Variants in COP1 observed in about 807,000 individuals in gnomAD.
COP1 encodes the protein COP1 E3 ubiquitin ligase, also known as E3 ubiquitin-protein ligase COP1.
In COP1, 24 loss-of-function variants were observed where a neutral mutation model predicts 101.3. The observed-to-expected ratio is 0.24, with a 90% CI of 0.17 to 0.33. COP1 has a LOEUF of 0.33. Among genes scored for constraint, COP1 ranks in the 10% least tolerant of loss-of-function variants. The pLI is 1.00. For missense variants in COP1, 663 were observed against 906.2 expected (o/e 0.73, Z 3.45); for synonymous variants, 347 against 341.9 (o/e 1.01, Z -0.17).
At chr1:176,060,395 A>G (rs1674628993) in intron 11 of COP1, among the ~76,000 whole-genome samples, 1 of 152,218 alleles carries the variant, frequency 6.6e-6, no homozygotes, top group East Asian at 1.9e-4. Context: ...AGAGAAAATA[A>G]CAAGAGCTGA....
At chr1:175,980,078 C>A (rs1294883246) in intron 18 of COP1, among the ~76,000 whole-genome samples, 3 of 151,960 alleles carry the variant, frequency 2.0e-5, no homozygotes, top group African/African-American at 4.8e-5. Context: ...TTATAACAAC[C>A]CTAGAAGATA....
At chr1:175,949,247 C>T (rs1322127881) in intron 18 of COP1, among the ~76,000 whole-genome samples, 1 of 109,804 alleles carries the variant, frequency 9.1e-6, no homozygotes, top group African/African-American at 3.5e-5. Context: ...ATATTATGGG[C>T]TATTTCTGGG....
intron 11 of COP1, among the ~76,000 whole-genome samples, chr1:176,057,326 TCTCCCTCTCCCC>T (rs1327493503): frequency 2.0e-5 from 3 of 152,042 alleles, no homozygotes; most frequent in Non-Finnish European, 2.9e-5. Flanking sequence ...TCCCTCTCCC[TCTCCCTCTCCCC>T]ACGGATTCCC....
At chr1:176,124,258 AC>A (rs1687638257) in intron 8 of COP1, among the ~76,000 whole-genome samples, 1 of 152,198 alleles carries the variant, frequency 6.6e-6, no homozygotes, top group Non-Finnish European at 1.5e-5. Context: ...CCTTTGTGTT[AC>A]AAACAACCCA....
In COP1 at chr1:176,195,983, G is replaced by A. The variant is rs1572799393; in HGVS notation, c.407+10589C>T. Among the ~76,000 whole-genome samples, 3 of 152,248 alleles carry A rather than the reference G, an allele frequency of 2.0e-5. No homozygotes were observed. In the South Asian group the frequency reaches 6.2e-4, roughly 32 times the overall value. ...CACTAGCATCACGCAATATACCCACGTAACAAACCTGTGCATGTACAGGTA... is the reference window on the plus strand; with the variant it reads ...CACTAGCATCACGCAATATACCCACATAACAAACCTGTGCATGTACAGGTA... On this transcript the variant is annotated intron_variant, in intron 1 of 19. Transcript: ENST00000367669.
intron 19 of COP1, 68 bp downstream of exon 19, chr1:175,947,127 T>C (rs1436739226): frequency 6.6e-6 from 7 of 1,063,350 alleles, no homozygotes; most frequent in Non-Finnish European, 1.0e-5. Flanking sequence ...CAATGGTGTA[T>C]TTCTATAATC....
In COP1 at chr1:176,027,138, T is replaced by C. The variant is rs1022436788; in HGVS notation, c.1729+434A>G. The stretch of plus-strand genomic sequence containing the variant: ...CTCCATGATACAAGACTATGTCTTA[T>C]TCACTGTCCCTAGATGAGTGCTTTG... On this transcript the variant is annotated intron_variant, in intron 15 of 19. Transcript: ENST00000367669. 4.6e-5 allele frequency among the ~76,000 whole-genome samples: 7 copies of C among 152,200 alleles called. No homozygotes were observed. In the South Asian group the frequency reaches 8.3e-4, roughly 18 times the overall value.
chr1:176,062,315 A>G (rs1310964621), intron 11 of COP1, among the ~76,000 whole-genome samples: 1 of 152,202 alleles, frequency 6.6e-6, no homozygotes, highest in Non-Finnish European at 1.5e-5. Context: ...AAAGACCTGA[A>G]TTTTTAAATA....
At chr1:176,064,618 T>C (rs1052132397) in intron 11 of COP1, among the ~76,000 whole-genome samples, 1 of 152,190 alleles carries the variant, frequency 6.6e-6, no homozygotes, top group Admixed American at 6.5e-5. Context: ...CTTTACTTTT[T>C]GAGCTCCATC....
At chr1:176,137,246 T>C (rs1441055981) in intron 6 of COP1, among the ~76,000 whole-genome samples, 1 of 152,194 alleles carries the variant, frequency 6.6e-6, no homozygotes, top group East Asian at 1.9e-4. Flanking sequence ...ATTGTAACTG[T>C]TGAATAACAC....
chr1:176,195,109 G>A (rs924192529), intron 1 of COP1, among the ~76,000 whole-genome samples: 3 of 143,036 alleles, frequency 2.1e-5, no homozygotes, highest in Admixed American at 1.4e-4. Context: ...AGAAAAAGGA[G>A]AGGAGAGAAA....
intron 15 of COP1, among the ~76,000 whole-genome samples, chr1:175,992,283 G>A (rs1223632465): frequency 6.6e-6 from 1 of 152,210 alleles, no homozygotes; most frequent in East Asian, 1.9e-4. Flanking sequence ...TGGCCAAATA[G>A]GAACAGCTCC....
chr1:176,075,036 A>G (rs1677724368), intron 11 of COP1, among the ~76,000 whole-genome samples: 1 of 152,168 alleles, frequency 6.6e-6, no homozygotes, highest in Non-Finnish European at 1.5e-5. Context: ...TTTCTTATCT[A>G]TAAGGGCCCT....
intron 15 of COP1, among the ~76,000 whole-genome samples, chr1:176,021,130 G>A (rs1473073024): frequency 6.6e-6 from 1 of 152,160 alleles, no homozygotes; most frequent in African/African-American, 2.4e-5. Flanking sequence ...TACCAGGTGT[G>A]AGCCACCAGG....
intron 18 of COP1, among the ~76,000 whole-genome samples, chr1:175,963,659 C>A (rs1471242134): frequency 6.6e-6 from 1 of 152,056 alleles, no homozygotes; most frequent in Non-Finnish European, 1.5e-5. Flanking sequence ...GTCTTTTGTC[C>A]AGGTACCTTC....
intron 11 of COP1, among the ~76,000 whole-genome samples, chr1:176,051,219 T>C (rs146673371): frequency 4.7e-4 from 72 of 152,256 alleles, no homozygotes; most frequent in African/African-American, 1.6e-3. Flanking sequence ...CCGTGAATAT[T>C]TTCAGCCATC....
At chr1:176,181,456 C>T (rs2101998321) in intron 2 of COP1, among the ~76,000 whole-genome samples, 1 of 151,694 alleles carries the variant, frequency 6.6e-6, no homozygotes, top group East Asian at 1.9e-4. Flanking sequence ...TATAGCAAGC[C>T]TGATGTTGGA....
At chr1:175,981,461 C>T (rs1655849612) in intron 18 of COP1, among the ~76,000 whole-genome samples, 1 of 152,108 alleles carries the variant, frequency 6.6e-6, no homozygotes, top group Admixed American at 6.5e-5. Flanking sequence ...GTTGGGAAAA[C>T]TGGATATCCA....
intron 5 of COP1, among the ~76,000 whole-genome samples, chr1:176,150,604 C>T (rs567765169): frequency 9.9e-5 from 15 of 152,180 alleles, no homozygotes; most frequent in Admixed American, 4.6e-4. Flanking sequence ...ACAAAGACCA[C>T]ATGTTTATTT....
Sources: gnomAD v4.1 joint callset for allele counts (sites outside exome capture counted in the v4.1 genomes callset) on GRCh38, gnomAD v4.1.1 for gene constraint, MANE v1.5 for transcripts, NCBI Gene and HGNC (gene_info 2026-07-23, HGNC 2026-07-21) for gene names.